The following RARB variants were observed in gnomAD, a reference collection of about 807,000 sequenced individuals.
The protein encoded by RARB is retinoic acid receptor beta, also known as HBV-activated protein.
A neutral mutation model predicts 51.9 loss-of-function variants in RARB; 17 were observed. The observed-to-expected ratio is 0.33, with a 90% CI of 0.22 to 0.49. The LOEUF is 0.49. RARB is among the 20% of genes least tolerant of loss of function. RARB has a pLI of 0.99. For synonymous variants in RARB, 215 were observed against 195.4 expected (o/e 1.10, Z -0.84); for missense variants, 369 against 550.8 (o/e 0.67, Z 3.30).
At chr3:25,384,300 C>G (rs2125482000) in intron 5 of RARB, among the ~76,000 whole-genome samples, 1 of 152,256 alleles carries the variant, frequency 6.6e-6, no homozygotes, top group South Asian at 2.1e-4. Context: ...CCTTCATTGT[C>G]TCTTCATCCC....
intron 2 of RARB, among the ~76,000 whole-genome samples, chr3:25,053,997 G>A (rs1448144520): frequency 1.3e-5 from 2 of 152,074 alleles, no homozygotes; most frequent in African/African-American, 2.4e-5. Context: ...TGGGCCTGGC[G>A]CAGGTCATTG....
At chr3:25,511,686 G>A (rs1221890542) in intron 3 of RARB, among the ~76,000 whole-genome samples, 1 of 152,086 alleles carries the variant, frequency 6.6e-6, no homozygotes, top group Non-Finnish European at 1.5e-5. Flanking sequence ...CTGCAGCTGT[G>A]GCCTGAGCCC....
chr3:24,908,222 T>C (rs2125376964), intron 2 of RARB, among the ~76,000 whole-genome samples: 1 of 152,344 alleles, frequency 6.6e-6, no homozygotes, highest in African/African-American at 2.4e-5. Context: ...GGATTTTTAT[T>C]GTTAGAGTGA....
Position 25,593,605 on chromosome 3 carries a change from C to A in RARB, c.889C>A (p.Pro297Thr). The change falls in exon 6 of 8, where the codon CCT becomes ACT. Residue 297 changes from proline to threonine, a missense_variant. Physicochemically the swap from Pro to Thr is conservative, Grantham distance 38 (BLOSUM62 -1). Around this residue, in one of 9 missense-constraint regions of RARB, gnomAD observed 76 missense variants for 153.3 expected, o/e 0.50. Coordinates refer to ENST00000330688, the MANE Select transcript of RARB (RefSeq NM_000965.5). ...RTQMHNAGFG[P>T]LTDLVFTFAN... ...TCAGATGCACAATGCTGGATTTGGT[C>A]CTCTGACTGACCTTGTGTTCACCTT... The A allele has an allele frequency of 6.2e-7, 1 of 1,614,024 alleles. No homozygotes were observed. The highest frequency in any genetic ancestry group is 8.5e-7 in the Non-Finnish European group (1 of 1,179,956).
At position 24,843,900 on chromosome 3, in the gene RARB, TACACAC is replaced by T. The variant is rs71057685; in HGVS notation, c.-459+14529_-459+14534del. 8.8e-3 allele frequency among the ~76,000 whole-genome samples: 1,280 copies of T among 145,232 alleles called. 12 individuals carry two copies. Among genetic ancestry groups the T allele is most frequent in the Middle Eastern group, 0.032 (9 of 284 alleles). ...TTTTGTTGTTTTGGTGATTTGAGGG[TACACAC>T]ACACACACACACACACACACACACA... is the stretch of plus-strand genomic sequence containing the variant. On this transcript the variant is annotated intron_variant, in intron 1 of 11. Coordinates refer to the RARB transcript ENST00000383772.
intron 2 of RARB, among the ~76,000 whole-genome samples, chr3:25,463,183 T>C (rs1695269598): frequency 6.6e-6 from 1 of 151,972 alleles, no homozygotes; most frequent in South Asian, 2.1e-4. Flanking sequence ...CCACTCAATT[T>C]CTTAATGGGC....
chr3:25,591,366 A>G (rs1701605055), intron 5 of RARB, among the ~76,000 whole-genome samples: 2 of 152,216 alleles, frequency 1.3e-5, no homozygotes, highest in African/African-American at 4.8e-5. Flanking sequence ...GTGAATAGTT[A>G]TGCAGTTATG....
At chr3:24,926,405 A>G (rs1695322680) in intron 2 of RARB, among the ~76,000 whole-genome samples, 1 of 152,140 alleles carries the variant, frequency 6.6e-6, no homozygotes, top group South Asian at 2.1e-4. Flanking sequence ...ACAAATGGCA[A>G]CAGTTTTGCC....
intron 5 of RARB, among the ~76,000 whole-genome samples, chr3:25,336,420 A>T (rs555800006): frequency 6.6e-6 from 1 of 152,212 alleles, no homozygotes. Context: ...GCACTTGTTA[A>T]TAAAATGTAT....
chr3:25,319,135 T>C (rs1704498499), intron 5 of RARB, among the ~76,000 whole-genome samples: 1 of 152,146 alleles, frequency 6.6e-6, no homozygotes, highest in Non-Finnish European at 1.5e-5. Context: ...ATATGGCAAA[T>C]GATGTGTTTA....
chr3:25,500,454 G>GTTTTTTTT (rs753321842), intron 2 of RARB, among the ~76,000 whole-genome samples: 37 of 66,118 alleles, frequency 5.6e-4, no homozygotes, highest in Admixed American at 9.9e-4. Context: ...TTCTTTTCTT[G>GTTTTTTTT]TTTTTTTTTT....
At chr3:25,453,279 C>T (rs1214167615) in intron 1 of RARB, among the ~76,000 whole-genome samples, 1 of 128,342 alleles carries the variant, frequency 7.8e-6, no homozygotes, top group Non-Finnish European at 1.6e-5. Context: ...GACAGTTTCG[C>T]TCTTGCTGTG....
chr3:25,300,626 G>A (rs1170630801), intron 5 of RARB, among the ~76,000 whole-genome samples: 1 of 152,092 alleles, frequency 6.6e-6, no homozygotes, highest in Non-Finnish European at 1.5e-5. Flanking sequence ...AACCATAATG[G>A]TTACTCAGGG....
intron 5 of RARB, among the ~76,000 whole-genome samples, chr3:25,326,602 G>A (rs1704722762): frequency 2.0e-5 from 3 of 152,102 alleles, no homozygotes; most frequent in Admixed American, 2.0e-4. Flanking sequence ...AAGTCCAACT[G>A]TTTTTCAGCA....
At chr3:24,962,303 C>T (rs754049163) in intron 2 of RARB, among the ~76,000 whole-genome samples, 9 of 152,024 alleles carry the variant, frequency 5.9e-5, no homozygotes, top group African/African-American at 1.2e-4. Context: ...ACATTTTGAG[C>T]GAGATAATTC....
intron 4 of RARB, among the ~76,000 whole-genome samples, chr3:25,140,227 C>T (rs560454776): frequency 6.6e-6 from 1 of 152,246 alleles, no homozygotes; most frequent in African/African-American, 2.4e-5. Context: ...AGTGATTTCT[C>T]TGATGGATTT....
chr3:25,089,823 G>A (rs1699165787), intron 3 of RARB, among the ~76,000 whole-genome samples: 1 of 152,088 alleles, frequency 6.6e-6, no homozygotes, highest in African/African-American at 2.4e-5. Flanking sequence ...TGGAAATAGT[G>A]CTTTTCATAG....
chr3:25,288,016 A>G (rs958247291), intron 5 of RARB, among the ~76,000 whole-genome samples: 6 of 152,156 alleles, frequency 3.9e-5, no homozygotes, highest in Admixed American at 3.3e-4. Context: ...AGATTTTTAA[A>G]AATAAAGTTC....
At chr3:25,256,657 G>A (rs572853488) in intron 5 of RARB, among the ~76,000 whole-genome samples, 1 of 152,210 alleles carries the variant, frequency 6.6e-6, no homozygotes, top group South Asian at 2.1e-4. Flanking sequence ...TCAAAGGACA[G>A]TCTTGTCATA....
Sources: allele counts gnomAD v4.1 joint callset (sites outside exome capture counted in the v4.1 genomes callset), GRCh38; gene constraint gnomAD v4.1.1; regional missense constraint gnomAD v4.1.1; transcripts MANE v1.5; gene names NCBI Gene and HGNC (gene_info 2026-07-23, HGNC 2026-07-21).